The following ZNF81 variants were observed in gnomAD, a reference collection of about 807,000 sequenced individuals.
ZNF81 encodes the protein zinc finger protein 81.
A neutral mutation model predicts 32.3 loss-of-function variants in ZNF81; 5 were observed. The observed-to-expected ratio is 0.15, with a 90% CI of 0.08 to 0.33. ZNF81 has a LOEUF of 0.33. Ranked by LOEUF, ZNF81 falls within the 10% of genes least tolerant of loss-of-function variation. ZNF81 has a pLI of 1.00. For synonymous variants in ZNF81, 163 were observed against 166.8 expected (o/e 0.98, Z 0.17); for missense variants, 379 against 479.8 (o/e 0.79, Z 1.96).
chrX:47,915,711 G>A lies in ZNF81; in HGVS notation c.1065G>A (p.Glu355=). The stretch of plus-strand genomic sequence containing the variant: ...TGCATGAGAAAACTCATACTAGAGA[G>A]AAACCCTATAAATGCAATGAATGTG... ...LIMHEKTHTR[E]KPYKCNECGK... is the part of the protein sequence containing the mutation. Residue 355 remains glutamate (E), a synonymous_variant, in exon 5 of 5, where the codon GAG becomes GAA. Transcript: ENST00000338637. 4 of 1,210,881 alleles carry A rather than the reference G, an allele frequency of 3.3e-6. No individual in the cohort carries two copies. Among genetic ancestry groups the A allele is most frequent in the Non-Finnish European group, 2.2e-6 (2 of 895,257 alleles).
chrX:47,846,369 C>A (rs782748474), intron 2 of ZNF81, 48 bp downstream of exon 2: 2 of 1,175,236 alleles, frequency 1.7e-6, no homozygotes, highest in Admixed American at 4.6e-5. Flanking sequence ...ATCCACAGCC[C>A]TGAAGGAAAG....
At chrX:47,873,735 C>T (rs1234447160) in intron 2 of ZNF81, among the ~76,000 whole-genome samples, 3 of 111,665 alleles carry the variant, frequency 2.7e-5, no homozygotes, top group Non-Finnish European at 5.7e-5. Flanking sequence ...GGCACAATCT[C>T]GGCTCACTGC....
At chrX:47,858,824 C>T (rs1376657022) in intron 2 of ZNF81, among the ~76,000 whole-genome samples, 2 of 111,756 alleles carry the variant, frequency 1.8e-5, no homozygotes, top group African/African-American at 3.2e-5. Flanking sequence ...GGCGTGGTGG[C>T]TCACACCTGT....
intron 2 of ZNF81, among the ~76,000 whole-genome samples, chrX:47,868,310 TG>T (rs1556883488): frequency 9.1e-6 from 1 of 110,370 alleles, no homozygotes; most frequent in Non-Finnish European, 1.9e-5. Context: ...CTGCCAGATT[TG>T]TTTGTCTATT....
At chrX:47,852,963 TC>T (rs2058501424) in intron 2 of ZNF81, among the ~76,000 whole-genome samples, 1 of 112,571 alleles carries the variant, frequency 8.9e-6, no homozygotes, top group South Asian at 3.6e-4. Flanking sequence ...ATCTATGGGC[TC>T]CAGAATCATG....
intron 4 of ZNF81, among the ~76,000 whole-genome samples, chrX:47,901,408 A>G (rs1048035167): frequency 8.9e-6 from 1 of 111,868 alleles, no homozygotes; most frequent in Non-Finnish European, 1.9e-5. Flanking sequence ...GAAGGCAAAA[A>G]CTTTCAGTCT....
At chrX:47,895,693 T>C (rs2058677306) in intron 3 of ZNF81, 152 bp from the exon 4 acceptor site, 1 of 503,918 alleles carries the variant, frequency 2.0e-6, no homozygotes, top group East Asian at 3.7e-5. Flanking sequence ...TAGAACCCTA[T>C]GATGATGTCC....
At chrX:47,894,144 T>C (rs1556886858) in intron 3 of ZNF81, among the ~76,000 whole-genome samples, 1 of 111,786 alleles carries the variant, frequency 8.9e-6, no homozygotes, top group Non-Finnish European at 1.9e-5. Context: ...TTTATAAATA[T>C]AGCCCAGGAG....
intron 4 of ZNF81, among the ~76,000 whole-genome samples, chrX:47,909,919 C>T (rs1556889694): frequency 1.8e-5 from 2 of 110,468 alleles, no homozygotes; most frequent in East Asian, 2.8e-4. Flanking sequence ...TCATCCATGT[C>T]CCTACAAAGG....
intron 2 of ZNF81, among the ~76,000 whole-genome samples, chrX:47,851,611 G>A (rs1365811656): frequency 1.8e-5 from 2 of 111,549 alleles, no homozygotes; most frequent in Non-Finnish European, 3.8e-5. Context: ...ATGGAAGGAT[G>A]TTACATGTGT....
intron 4 of ZNF81, among the ~76,000 whole-genome samples, chrX:47,911,689 C>G (rs182958193): frequency 1.4e-3 from 154 of 111,471 alleles, no homozygotes; most frequent in African/African-American, 4.8e-3. Context: ...TAAAAGTTTA[C>G]CCTCTTACAC....
intron 3 of ZNF81, among the ~76,000 whole-genome samples, chrX:47,890,227 A>G (rs2058657885): frequency 9.1e-6 from 1 of 110,156 alleles, no homozygotes; most frequent in Non-Finnish European, 1.9e-5. Flanking sequence ...CCTCAATCAG[A>G]AGGACTTGGG....
chrX:47,909,592 CT>C (rs1308422634), intron 4 of ZNF81, among the ~76,000 whole-genome samples: 4 of 106,334 alleles, frequency 3.8e-5, no homozygotes, highest in East Asian at 2.9e-4. Flanking sequence ...TTTATTGAGG[CT>C]TTTTTTTCTT....
intron 1 of ZNF81, among the ~76,000 whole-genome samples, chrX:47,844,048 C>T (rs1467117726): frequency 8.9e-6 from 1 of 112,123 alleles, no homozygotes; most frequent in African/African-American, 3.2e-5. Flanking sequence ...AAATACAATG[C>T]TGTATTCCGT....
At chrX:47,862,380 G>A (rs1331616138) in intron 2 of ZNF81, among the ~76,000 whole-genome samples, 1 of 109,438 alleles carries the variant, frequency 9.1e-6, no homozygotes, top group African/African-American at 3.3e-5. Context: ...AAAATTAGCC[G>A]GGCGTGGTGG....
At chrX:47,896,969 T>C (rs1253233382) in intron 4 of ZNF81, among the ~76,000 whole-genome samples, 3 of 112,518 alleles carry the variant, frequency 2.7e-5, no homozygotes, top group Non-Finnish European at 5.6e-5. Context: ...TACTATTCAT[T>C]AATCTCTACA....
At chrX:47,857,359 A>G (rs1204164368) in intron 2 of ZNF81, among the ~76,000 whole-genome samples, 2 of 112,595 alleles carry the variant, frequency 1.8e-5, no homozygotes, top group East Asian at 5.5e-4. Flanking sequence ...GCAGCTAGTG[A>G]AAAATAAATA....
intron 2 of ZNF81, among the ~76,000 whole-genome samples, chrX:47,866,335 T>C (rs1419550471): frequency 9.0e-6 from 1 of 111,385 alleles, no homozygotes; most frequent in Non-Finnish European, 1.9e-5. Flanking sequence ...TCCACAAATA[T>C]AGAATAGAAA....
At chrX:47,861,101 GT>G (rs782297275) in intron 2 of ZNF81, 1 of 112,128 alleles carries the variant, frequency 8.9e-6, no homozygotes, top group South Asian at 3.7e-4. Context: ...CCGAGGAGGA[GT>G]TTGTGGGAAT....
Sources: gnomAD v4.1 joint callset for allele counts (sites outside exome capture counted in the v4.1 genomes callset) on GRCh38, gnomAD v4.1.1 for gene constraint, MANE v1.5 for transcripts, NCBI Gene and HGNC (gene_info 2026-07-23, HGNC 2026-07-21) for gene names.